RASGRF1: variants seen among roughly 807,000 people sequenced by gnomAD.
RASGRF1 encodes the protein Ras protein specific guanine nucleotide releasing factor 1.
RASGRF1 carries 40 observed loss-of-function variants against 138.7 expected under a neutral mutation model. The ratio of observed to expected loss-of-function variants is 0.29; its 90% CI spans 0.22 to 0.38. RASGRF1 has a LOEUF of 0.38. Ranked by LOEUF, RASGRF1 falls within the 10% of genes least tolerant of loss-of-function variation. The pLI, the probability that RASGRF1 is intolerant of heterozygous loss-of-function variation, is 1.00. For missense variants in RASGRF1, 1,108 were observed against 1,650.4 expected (o/e 0.67, Z 5.69); for synonymous variants, 614 against 663.2 (o/e 0.93, Z 1.14).
intron 10 of RASGRF1, among the ~76,000 whole-genome samples, chr15:79,021,084 G>A (rs1035387923): frequency 5.9e-5 from 9 of 152,186 alleles, no homozygotes; most frequent in African/African-American, 2.2e-4. Flanking sequence ...CCCGGCCCCA[G>A]TTGAACCTTC....
Position 78,973,222 on chromosome 15 carries a change from G to A in RASGRF1, c.3612+81C>T. ...CCTATGCAGCAGGTTGGGCCTTGGG[G>A]GGCAGAGTGTGGGTGGGCCCCAGGT... On this transcript the variant is annotated intron_variant, in intron 25 of 26. Coordinates refer to ENST00000558480, the MANE Select transcript of RASGRF1 (RefSeq NM_001145648.3). This position sits in a 1 kb window ranked among gnomAD's most constrained non-coding sequence, Gnocchi z 4.9. 8.5e-7 allele frequency: 1 copy of A among 1,181,206 alleles called. No homozygotes were observed. Among genetic ancestry groups the A allele is most frequent in the Non-Finnish European group, 1.2e-6 (1 of 828,454 alleles). The allele number at this position is 1,181,206 out of a possible 1,614,324, so 73.2% of individuals were successfully genotyped here. A position where few individuals can be genotyped will look rare whatever the true frequency, so the allele number is the denominator to read the frequency against.
In RASGRF1 at chr15:78,978,782, C is replaced by T. The variant is rs2055943663; in HGVS notation, c.3494+1838G>A. 4 of 1,128,234 alleles carry T rather than the reference C, an allele frequency of 3.5e-6. No homozygotes were observed. In the South Asian group the frequency reaches 6.3e-5, roughly 18 times the overall value. 69.9% of individuals were successfully genotyped at this position (1,128,234 alleles called of 1,614,324 possible). A position where few individuals can be genotyped will look rare whatever the true frequency, so the allele number is the denominator to read the frequency against. On this transcript the variant is annotated intron_variant, in intron 24 of 26. Coordinates refer to ENST00000558480, the MANE Select transcript of RASGRF1 (RefSeq NM_001145648.3). ...TGCGGGAAGCATTTGCCCCAGGTTT[C>T]CCCAGTCCCTCCCTCCTCTGTGTGC...
intron 17 of RASGRF1, among the ~76,000 whole-genome samples, chr15:78,999,040 T>G (rs1259610436): frequency 3.3e-5 from 5 of 152,154 alleles, no homozygotes; most frequent in African/African-American, 1.2e-4. Flanking sequence ...CCCAGCCTCT[T>G]CCAGACCTCT....
intron 4 of RASGRF1, among the ~76,000 whole-genome samples, chr15:79,047,976 ATC>A (rs36040320): frequency 0.53 from 80,920 of 151,892 alleles, 22,219 homozygotes; most frequent in East Asian, 0.78. Flanking sequence ...CCCAAGAGCT[ATC>A]TCTGAAGATA....
rs75228123 is a variant in RASGRF1, at chr15:79,025,205, C to G, written c.1542+109G>C. ...ATATCTGTGTGTGTGTGCATGCACACGTCTCTGACACCCCTGCCCACCACC... is the reference window on the plus strand; with the variant it reads ...ATATCTGTGTGTGTGTGCATGCACAGGTCTCTGACACCCCTGCCCACCACC... On this transcript the variant is annotated intron_variant, in intron 10 of 26. Coordinates refer to ENST00000558480, the MANE Select transcript of RASGRF1 (RefSeq NM_001145648.3). 1.4e-3 allele frequency: 1,732 copies of G among 1,274,834 alleles called. 10 individuals carry two copies. In the African/African-American group the frequency reaches 0.016, roughly 12 times the overall value. 79.0% of individuals were successfully genotyped at this position (1,274,834 alleles called of 1,614,324 possible). A position where few individuals can be genotyped will look rare whatever the true frequency, so the allele number is the denominator to read the frequency against.
At chr15:78,974,994 C>T (rs1044926810) in intron 24 of RASGRF1, among the ~76,000 whole-genome samples, 8 of 152,174 alleles carry the variant, frequency 5.3e-5, no homozygotes, top group East Asian at 1.9e-4. Context: ...AGAGGCCTGG[C>T]GTTAGGGACA....
intron 1 of RASGRF1, among the ~76,000 whole-genome samples, chr15:79,074,628 C>T (rs966972001): frequency 6.6e-6 from 1 of 152,322 alleles, no homozygotes; most frequent in South Asian, 2.1e-4. Flanking sequence ...CAGAGCCACA[C>T]CCAGGCCCCA....
In RASGRF1 at chr15:79,090,453, C is replaced by T; in HGVS notation, c.46G>A (p.Gly16Arg). ...RLNDGHVASL[G>R]LLARKDGTRK... ...GTGCCGTCCTTGCGCGCCAGCAGTC[C>T]CAGGGACGCGACGTGGCCATCATTC... Residue 16 changes from glycine to arginine, a missense_variant, in exon 1 of 27, where the codon GGA (glycine) becomes AGA (arginine). Coordinates refer to ENST00000558480, the MANE Select transcript of RASGRF1 (RefSeq NM_001145648.3). The T allele has an allele frequency of 6.2e-7, 1 of 1,613,066 alleles. No homozygotes were observed. Among genetic ancestry groups the T allele is most frequent in the Non-Finnish European group, 8.5e-7 (1 of 1,179,968 alleles).
At chr15:79,047,733 GAC>G (rs144913729) in intron 4 of RASGRF1, among the ~76,000 whole-genome samples, 22 of 152,080 alleles carry the variant, frequency 1.4e-4, no homozygotes, top group Middle Eastern at 3.4e-3. Flanking sequence ...GGCCTTGATT[GAC>G]ACACACACAC....
At chr15:78,997,313 A>G (rs1220086618) in intron 19 of RASGRF1, among the ~76,000 whole-genome samples, 1 of 152,256 alleles carries the variant, frequency 6.6e-6, no homozygotes, top group Non-Finnish European at 1.5e-5. Context: ...CAGTGATGGC[A>G]GCATCCTACA....
chr15:79,051,845 A>G lies in RASGRF1; in HGVS notation c.532-2257T>C, dbSNP rs114029596. Among the ~76,000 whole-genome samples, 174 of 152,310 alleles carry G rather than the reference A, an allele frequency of 1.1e-3. 1 individual carries two copies. Among genetic ancestry groups the G allele is most frequent in the African/African-American group, 3.8e-3 (159 of 41,560 alleles). The stretch of plus-strand genomic sequence containing the variant: ...AAGCCTGGGGACTGCAAAAGTCTTG[A>G]ACTATGTCTAGTCTTGGCCCATTGC... On this transcript the variant is annotated intron_variant, in intron 3 of 26. Coordinates refer to ENST00000558480, the MANE Select transcript of RASGRF1 (RefSeq NM_001145648.3).
At chr15:79,060,412 GT>G (rs1230972474) in intron 2 of RASGRF1, among the ~76,000 whole-genome samples, 1 of 152,224 alleles carries the variant, frequency 6.6e-6, no homozygotes, top group African/African-American at 2.4e-5. Flanking sequence ...ATATGGAGAG[GT>G]TTTTGTTCAC....
intron 4 of RASGRF1, 152 bp downstream of exon 4, chr15:79,049,344 A>G (rs2057397838): frequency 1.4e-6 from 1 of 703,418 alleles, no homozygotes; most frequent in African/African-American, 1.8e-5. Context: ...CTTCAGGGAT[A>G]AGGGAGTGTG....
chr15:79,057,707 A>G (rs2057529344), intron 3 of RASGRF1, among the ~76,000 whole-genome samples: 1 of 152,144 alleles, frequency 6.6e-6, no homozygotes, highest in Non-Finnish European at 1.5e-5. Flanking sequence ...AATTCAGAAG[A>G]TCTGGGGTGG....
intron 26 of RASGRF1, among the ~76,000 whole-genome samples, chr15:78,962,456 T>G (rs2055565364): frequency 6.6e-6 from 1 of 152,192 alleles, no homozygotes; most frequent in Non-Finnish European, 1.5e-5. Flanking sequence ...GTCATAATAT[T>G]AAGGCTGGTA....
intron 2 of RASGRF1, among the ~76,000 whole-genome samples, chr15:79,063,240 G>A (rs1279105339): frequency 6.6e-6 from 1 of 152,122 alleles, no homozygotes; most frequent in Non-Finnish European, 1.5e-5. Context: ...CTGTGCACTG[G>A]GCCTGACTAT....
At chr15:79,009,300 G>A (rs984122234) in intron 13 of RASGRF1, among the ~76,000 whole-genome samples, 1 of 152,228 alleles carries the variant, frequency 6.6e-6, no homozygotes, top group Non-Finnish European at 1.5e-5. Flanking sequence ...GTCTCAAAAG[G>A]AAGGTGAGAA....
intron 13 of RASGRF1, chr15:79,012,410 C>T: frequency 9.2e-7 from 1 of 1,092,002 alleles, no homozygotes; most frequent in Non-Finnish European, 1.4e-6. Flanking sequence ...ACAGCATGCA[C>T]TACACTGCTT....
intron 1 of RASGRF1, among the ~76,000 whole-genome samples, chr15:79,069,795 G>C (rs544968600): frequency 6.6e-6 from 1 of 152,286 alleles, no homozygotes; most frequent in Admixed American, 6.5e-5. Context: ...ATCTTTGTCT[G>C]CCTTCCTCAC....
Sources: allele counts gnomAD v4.1 joint callset (sites outside exome capture counted in the v4.1 genomes callset), GRCh38; gene constraint gnomAD v4.1.1; non-coding constraint Gnocchi (gnomAD v3.1); transcripts MANE v1.5; gene names NCBI Gene and HGNC (gene_info 2026-07-23, HGNC 2026-07-21).